The following CIB3 variants were observed in gnomAD, a reference collection of about 807,000 sequenced individuals.
The protein encoded by CIB3 is calcium and integrin-binding family member 3.
Under a neutral mutation model 23.4 loss-of-function variants are expected in CIB3, and 22 were observed. The ratio of observed to expected loss-of-function variants is 0.94; its 90% confidence interval spans 0.67 to 1.34. The LOEUF (loss-of-function observed/expected upper bound fraction) is 1.34. CIB3 is among the 40% of genes most tolerant of loss of function. The pLI is 0.00. For synonymous variants in CIB3, 93 were observed against 95.8 expected (o/e 0.97, Z 0.17); for missense variants, 258 against 247.3 (o/e 1.04, Z -0.29).
chr19:16,169,540 TG>T, intron 3 of CIB3, 89 bp downstream of exon 3: 1 of 1,142,838 alleles, frequency 8.8e-7, no homozygotes, highest in Non-Finnish European at 1.3e-6. Context: ...ATCTTTAAAA[TG>T]GGGATAACTG....
chr19:16,169,689 T>C lies in CIB3; in HGVS notation c.139A>G (p.Thr47Ala), dbSNP rs536668107. Reference protein sequence around the residue: ...LAPQLVPLDYTTCPDVKVPYE... With the variant: ...LAPQLVPLDYATCPDVKVPYE... ...GGCACCTTCACATCGGGGCAGGTGG[T>C]ATAGTCGAGGGGCACGAGCTGTGGG... Residue 47 changes from threonine to alanine, a missense_variant, in exon 3 of 6, where the codon ACC (threonine) becomes GCC (alanine). By Grantham distance (58) the Thr-to-Ala change is moderately conservative. Coordinates refer to ENST00000269878, the MANE Select transcript of CIB3 (RefSeq NM_054113.4). The C allele has an allele frequency of 1.9e-6, 3 of 1,613,716 alleles. No homozygotes were observed. Among genetic ancestry groups the C allele is most frequent in the South Asian group, 1.1e-5 (1 of 91,064 alleles).
At chr19:16,162,890 T>C (rs1348983313) in intron 5 of CIB3, among the ~76,000 whole-genome samples, 1 of 17,056 alleles carries the variant, frequency 5.9e-5, no homozygotes, top group African/African-American at 1.1e-4. Flanking sequence ...TCTTTTCTTT[T>C]TTTTTTTTTT....
chr19:16,168,043 C>G lies in CIB3; in HGVS notation c.346+94G>C, dbSNP rs566759955. Reference sequence around the variant, plus strand: ...ACAGGGCCACATAGGGCCTCAAAACCCCTGGGGAGATATTTGTGATGTGGG... The same window carrying G: ...ACAGGGCCACATAGGGCCTCAAAACGCCTGGGGAGATATTTGTGATGTGGG... On this transcript the variant is annotated intron_variant, in intron 4 of 5. Transcript: ENST00000269878. The G allele has an allele frequency of 2.5e-4, 367 of 1,487,840 alleles. 6 individuals carry two copies. The Admixed American group carries it at 7.4e-3, about 30-fold the overall frequency. The allele number at this position is 1,487,840 out of a possible 1,614,324, so 92.2% of individuals were successfully genotyped here. A position where few individuals can be genotyped will look rare whatever the true frequency, so the allele number is the denominator to read the frequency against.
intron 1 of CIB3, 42 bp from the exon 2 acceptor site, chr19:16,173,238 GGGCCTCCTCCCAC>G (rs752040350): frequency 1.5e-5 from 24 of 1,613,622 alleles, no homozygotes; most frequent in African/African-American, 6.7e-5. Context: ...CCTGCCTCTG[GGGCCTCCTCCCAC>G]GGCCTCCTCC....
intron 4 of CIB3, among the ~76,000 whole-genome samples, chr19:16,166,378 T>A (rs1451758312): frequency 6.6e-6 from 1 of 152,160 alleles, no homozygotes; most frequent in Non-Finnish European, 1.5e-5. Flanking sequence ...TTTATTCAAG[T>A]ATTTCTTGAA....
intron 2 of CIB3, among the ~76,000 whole-genome samples, chr19:16,172,567 G>T (rs976707810): frequency 6.6e-6 from 1 of 152,176 alleles, no homozygotes; most frequent in Non-Finnish European, 1.5e-5. Context: ...GACTGGGACA[G>T]TATGACAAGA....
intron 2 of CIB3, among the ~76,000 whole-genome samples, chr19:16,170,587 G>C (rs146640341): frequency 6.6e-6 from 1 of 152,150 alleles, no homozygotes; most frequent in Admixed American, 6.6e-5. Context: ...TTGGGAGGCC[G>C]AGGCGGGTGG....
intron 3 of CIB3, among the ~76,000 whole-genome samples, chr19:16,169,324 A>G (rs1195777468): frequency 6.6e-6 from 1 of 151,938 alleles, no homozygotes; most frequent in East Asian, 1.9e-4. Flanking sequence ...TTGTATTTTT[A>G]GTAGAGACGG....
chr19:16,161,535 C>G (rs1344110845), intron 5 of CIB3, 49 bp from the exon 6 acceptor site: 1 of 1,603,876 alleles, frequency 6.2e-7, no homozygotes, highest in Admixed American at 1.7e-5. Flanking sequence ...GTGGACAACC[C>G]CTTTTCCTCC....
chr19:16,164,981 C>G, intron 4 of CIB3, 68 bp from the exon 5 acceptor site: 1 of 1,328,284 alleles, frequency 7.5e-7, no homozygotes, highest in South Asian at 1.2e-5. Flanking sequence ...TGGGCACATA[C>G]TGTGCCCATG....
intron 2 of CIB3, among the ~76,000 whole-genome samples, chr19:16,171,949 G>A (rs2091330059): frequency 6.6e-6 from 1 of 152,226 alleles, no homozygotes; most frequent in South Asian, 2.1e-4. Flanking sequence ...CATGGGTCGG[G>A]GCCCCTGGGC....
rs531365668 is a variant in CIB3, at chr19:16,169,409, G to A, written c.198+221C>T. Among the ~76,000 whole-genome samples, 28 of 152,270 alleles carry A rather than the reference G, an allele frequency of 1.8e-4. No individual in the cohort carries two copies. In the South Asian group the frequency reaches 5.6e-3, roughly 30 times the overall value. ...TCCACCCGCCTCGGCCTCCCAAAGT[G>A]CTGGGATTACAGGCTTGAGCCACCA... On this transcript the variant is annotated intron_variant, in intron 3 of 5. Transcript: ENST00000269878.
At chr19:16,163,263 C>T (rs976167397) in intron 5 of CIB3, among the ~76,000 whole-genome samples, 5 of 152,048 alleles carry the variant, frequency 3.3e-5, no homozygotes, top group African/African-American at 9.7e-5. Flanking sequence ...TGTCTCAAAA[C>T]AAACAAACGG....
In CIB3 at chr19:16,165,015, C is replaced by T. The variant is rs372110669; in HGVS notation, c.347-102G>A. 62 of 1,021,422 alleles carry T rather than the reference C, an allele frequency of 6.1e-5. No homozygotes were observed. The East Asian group carries it at 1.1e-3, about 19-fold the overall frequency. The allele number at this position is 1,021,422 out of a possible 1,614,324, so 63.3% of individuals were successfully genotyped here. Reference sequence around the variant, plus strand: ...TGTTACAAGAAGGGGAAACTAAGGTCGGGCACGGTGGCTCACGCCTGTAAT... The same window carrying T: ...TGTTACAAGAAGGGGAAACTAAGGTTGGGCACGGTGGCTCACGCCTGTAAT... On this transcript the variant is annotated intron_variant, in intron 4 of 5. Coordinates refer to ENST00000269878, the MANE Select transcript of CIB3 (RefSeq NM_054113.4).
chr19:16,166,856 GA>G (rs1267470702), intron 4 of CIB3, among the ~76,000 whole-genome samples: 1 of 152,194 alleles, frequency 6.6e-6, no homozygotes, highest in Non-Finnish European at 1.5e-5. Flanking sequence ...GAGGTGGGTG[GA>G]TCACTTGAGG....
At chr19:16,172,078 G>A (rs1408806947) in intron 2 of CIB3, among the ~76,000 whole-genome samples, 2 of 152,338 alleles carry the variant, frequency 1.3e-5, no homozygotes, top group East Asian at 3.9e-4. Flanking sequence ...TTAATGCCAA[G>A]CCCACAACCC....
In CIB3 at chr19:16,169,623, G is replaced by T; in HGVS notation, c.198+7C>A. On this transcript the variant is annotated splice_region_variant and intron_variant, in intron 3 of 5. Transcript: ENST00000269878. Reference sequence around the variant, plus strand: ...TTTACCCTGTTTGTCCCATGGCCTGGGCATACCTTCAGCTCGGGCATGCTG... The same window carrying T: ...TTTACCCTGTTTGTCCCATGGCCTGTGCATACCTTCAGCTCGGGCATGCTG... The T allele has an allele frequency of 6.2e-7, 1 of 1,611,366 alleles. No individual in the cohort carries two copies.
chr19:16,167,146 G>A (rs751280787), intron 4 of CIB3, among the ~76,000 whole-genome samples: 42 of 152,202 alleles, frequency 2.8e-4, no homozygotes, highest in African/African-American at 9.1e-4. Context: ...GCTTGAACCC[G>A]GAAGACGGAG....
chr19:16,173,200 T>C lies in CIB3; in HGVS notation c.52-4A>G, dbSNP rs1314353109. 1 of 1,614,000 alleles carries C rather than the reference T, an allele frequency of 6.2e-7. No homozygotes were observed. The highest frequency in any genetic ancestry group is 8.5e-7 in the Non-Finnish European group (1 of 1,179,978). ...TCCTTGTGAAAAATGTGCAGTCCTG[T>C]GGAGAGAGGTGTTGTCTTAACCCGA... On this transcript the variant is annotated splice_region_variant and splice_polypyrimidine_tract_variant and intron_variant, in intron 1 of 5. Transcript: ENST00000269878.
Sources: gnomAD v4.1 joint callset for allele counts (sites outside exome capture counted in the v4.1 genomes callset) on GRCh38, gnomAD v4.1.1 for gene constraint, MANE v1.5 for transcripts, NCBI Gene and HGNC (gene_info 2026-07-23, HGNC 2026-07-21) for gene names.